Variants in SPMAP2L observed in about 807,000 individuals in gnomAD.
SPMAP2L encodes sperm microtubule associated protein 2 like.
At chr4:56,597,088 G>T in the SPMAP2L span, among the ~76,000 whole-genome samples, 1 of 152,210 alleles carries the variant, frequency 6.6e-6, no homozygotes, top group Admixed American at 6.5e-5. Flanking sequence ...AGGGTGGTAA[G>T]ATACTTTGCC....
the SPMAP2L span, among the ~76,000 whole-genome samples, chr4:56,611,634 G>T: frequency 6.6e-6 from 1 of 152,040 alleles, no homozygotes; most frequent in Non-Finnish European, 1.5e-5. Context: ...ACAAAAGCCA[G>T]GCCACATATG....
the SPMAP2L span, among the ~76,000 whole-genome samples, chr4:56,535,197 C>T: frequency 6.6e-6 from 1 of 152,308 alleles, no homozygotes; most frequent in East Asian, 1.9e-4. Flanking sequence ...ATGTCATCAT[C>T]TTTGTAAGCC....
At chr4:56,567,058 A>T in the SPMAP2L span, among the ~76,000 whole-genome samples, 31 of 152,168 alleles carry the variant, frequency 2.0e-4, no homozygotes, top group African/African-American at 7.0e-4. Flanking sequence ...TGCCACGGTG[A>T]TCATACATTT....
the SPMAP2L span, among the ~76,000 whole-genome samples, chr4:56,605,557 T>G: frequency 6.6e-6 from 1 of 152,206 alleles, no homozygotes; most frequent in Admixed American, 6.5e-5. Context: ...AACTCATTAC[T>G]TTGAATTTTG....
the SPMAP2L span, among the ~76,000 whole-genome samples, chr4:56,608,178 T>G: frequency 1.7e-4 from 26 of 152,278 alleles, no homozygotes; most frequent in East Asian, 2.5e-3. Context: ...AGGAGAAGTC[T>G]CTAAGCAAAG....
chr4:56,598,998 C>G, the SPMAP2L span, among the ~76,000 whole-genome samples: 3 of 152,014 alleles, frequency 2.0e-5, no homozygotes, highest in Non-Finnish European at 4.4e-5. Flanking sequence ...GTAAGATGTG[C>G]CTTTGCTCCT....
the SPMAP2L span, chr4:56,548,760 AT>A: frequency 1.4e-6 from 2 of 1,450,990 alleles, no homozygotes; most frequent in Non-Finnish European, 1.8e-6. Context: ...GTTGAATCTA[AT>A]TTTTGCTTTT....
At chr4:56,569,203 A>T in the SPMAP2L span, among the ~76,000 whole-genome samples, 1 of 152,172 alleles carries the variant, frequency 6.6e-6, no homozygotes, top group Non-Finnish European at 1.5e-5. Flanking sequence ...TGATAACCCT[A>T]TATTTAACTT....
chr4:56,562,796 A>G, the SPMAP2L span, among the ~76,000 whole-genome samples: 1 of 20,956 alleles, frequency 4.8e-5, no homozygotes, highest in Non-Finnish European at 1.2e-4. Context: ...CTTTTTTTTT[A>G]CTATGTGTGT....
the SPMAP2L span, among the ~76,000 whole-genome samples, chr4:56,583,805 A>G: frequency 6.6e-6 from 1 of 152,240 alleles, no homozygotes; most frequent in African/African-American, 2.4e-5. Context: ...GTCATAACTC[A>G]TTCATAACAG....
chr4:56,605,820 T>G, the SPMAP2L span, among the ~76,000 whole-genome samples: 1 of 152,280 alleles, frequency 6.6e-6, no homozygotes, highest in East Asian at 1.9e-4. Flanking sequence ...GATAACAACA[T>G]AAAACCTTGA....
At chr4:56,597,460 A>G in the SPMAP2L span, among the ~76,000 whole-genome samples, 1 of 152,194 alleles carries the variant, frequency 6.6e-6, no homozygotes, top group South Asian at 2.1e-4. Context: ...AAAAATATCT[A>G]ATGATCATGT....
the SPMAP2L span, among the ~76,000 whole-genome samples, chr4:56,572,552 GA>G: frequency 6.6e-6 from 1 of 152,234 alleles, no homozygotes; most frequent in East Asian, 1.9e-4. Context: ...TGTATAAATA[GA>G]GGGAAAAAAG....
At chr4:56,548,959 A>G in the SPMAP2L span, 1 of 446,232 alleles carries the variant, frequency 2.2e-6, no homozygotes, top group Non-Finnish European at 3.7e-6. Context: ...CTTTGTCATA[A>G]GGTCCTTTTC....
the SPMAP2L span, among the ~76,000 whole-genome samples, chr4:56,619,432 CT>C: frequency 6.6e-6 from 1 of 152,170 alleles, no homozygotes; most frequent in African/African-American, 2.4e-5. Context: ...CCATTCCACT[CT>C]TTGATTCTAT....
chr4:56,623,100 C>A, the SPMAP2L span, among the ~76,000 whole-genome samples: 3 of 152,080 alleles, frequency 2.0e-5, no homozygotes, highest in Non-Finnish European at 4.4e-5. Context: ...TCTAGCCTGC[C>A]CAGGATGCAG....
the SPMAP2L span, among the ~76,000 whole-genome samples, chr4:56,556,137 A>G: frequency 6.6e-6 from 1 of 152,204 alleles, no homozygotes; most frequent in Admixed American, 6.5e-5. Context: ...TTTCCATTAT[A>G]TCACCCTGTC....
chr4:56,577,276 A>T, the SPMAP2L span, among the ~76,000 whole-genome samples: 18 of 152,140 alleles, frequency 1.2e-4, no homozygotes, highest in Non-Finnish European at 1.5e-5. Flanking sequence ...GTGGTGGCTC[A>T]TGCCTGTAAT....
At chr4:56,597,862 G>A in the SPMAP2L span, among the ~76,000 whole-genome samples, 1 of 151,542 alleles carries the variant, frequency 6.6e-6, no homozygotes, top group Non-Finnish European at 1.5e-5. Flanking sequence ...TTTTTTTTGT[G>A]ATGGTGGTGT....
Sources: allele counts gnomAD v4.1 joint callset (sites outside exome capture counted in the v4.1 genomes callset), GRCh38; gene constraint gnomAD v4.1.1; transcripts MANE v1.5; gene names NCBI Gene and HGNC (gene_info 2026-07-23, HGNC 2026-07-21).